The following CACNA1B variants were observed in gnomAD, a reference collection of about 807,000 sequenced individuals.
CACNA1B encodes voltage-dependent N-type calcium channel subunit alpha-1B.
In CACNA1B, 70 loss-of-function variants were observed where a neutral mutation model predicts 247.2. The ratio of observed to expected loss-of-function variants is 0.28; its 90% CI spans 0.23 to 0.35. CACNA1B has a LOEUF of 0.35. CACNA1B is among the 10% of genes least tolerant of loss of function. The pLI is 1.00. For missense variants in CACNA1B, 2,367 were observed against 3,197.4 expected (o/e 0.74, Z 6.26); for synonymous variants, 1,231 against 1,294.4 (o/e 0.95, Z 1.05).
At position 138,050,206 on chromosome 9, in the gene CACNA1B, C is replaced by T. The variant is rs894013230; in HGVS notation, c.3710+891C>T. On this transcript the variant is annotated intron_variant, in intron 24 of 46. Coordinates refer to ENST00000371372, the MANE Select transcript of CACNA1B (RefSeq NM_000718.4). This position sits in a 1 kb window ranked among gnomAD's most constrained non-coding sequence, Gnocchi z 5.2. The stretch of plus-strand genomic sequence containing the variant: ...ATCCACTTTCACCCCATCGGGGCTG[C>T]ATGCTGCCGGGAGCCAAGTCCCCGG... The T allele has an allele frequency of 3.3e-4, 247 of 747,732 alleles. No homozygotes were observed. The highest frequency in any genetic ancestry group is 4.5e-4 in the Non-Finnish European group (226 of 497,768). The allele number at this position is 747,732 out of a possible 1,614,324, so 46.3% of individuals were successfully genotyped here.
rs149905615 is a variant in CACNA1B at position 137,999,231 on chromosome 9, T to C, written c.1975-7536T>C. Among the ~76,000 whole-genome samples, 899 of 131,760 alleles carry C rather than the reference T, an allele frequency of 6.8e-3. 6 individuals are homozygous for C. Among genetic ancestry groups the C allele is most frequent in the African/African-American group, 0.029 (795 of 27,668 alleles). The allele number at this position is 131,760 out of a possible 152,430, so 86.4% of individuals were successfully genotyped here. A position where few individuals can be genotyped will look rare whatever the true frequency, so the allele number is the denominator to read the frequency against. ...TTGGGTGACAGAGTGAGACTCCAAC[T>C]AAAAAAAATAAAAAATAAAAAATGA... On this transcript the variant is annotated intron_variant, in intron 15 of 46. Transcript: ENST00000371372.
chr9:137,995,212 C>CAAAAAAAAAAAAAAAAAAA (rs34306133), intron 15 of CACNA1B, among the ~76,000 whole-genome samples: 1 of 115,746 alleles, frequency 8.6e-6, no homozygotes, highest in African/African-American at 3.2e-5. Context: ...GACTCCGTCT[C>CAAAAAAAAAAAAAAAAAAA]AAAAAAAAAA....
At chr9:138,112,792 T>C (rs748584225) in intron 40 of CACNA1B, among the ~76,000 whole-genome samples, 2 of 151,778 alleles carry the variant, frequency 1.3e-5, no homozygotes, top group Non-Finnish European at 2.9e-5. Flanking sequence ...TGTGAGGGAG[T>C]GCGGTGAGAT....
Position 138,059,003 on chromosome 9 carries a change from C to A in CACNA1B, c.4474-76C>A. On this transcript the variant is annotated intron_variant, in intron 29 of 46. Transcript: ENST00000371372. The surrounding 1 kb of genome is among the most constrained non-coding windows in gnomAD (Gnocchi z 4.2). ...CATCGAGTTCTGTCTGCCCGCTTTG[C>A]TTGGTCATAGTGGTCCCAGATGGGG... 1.1e-6 allele frequency: 1 copy of A among 890,418 alleles called. No homozygotes were observed. Among genetic ancestry groups the A allele is most frequent in the Non-Finnish European group, 1.8e-6 (1 of 541,686 alleles). The allele number at this position is 890,418 out of a possible 1,614,324, so 55.2% of individuals were successfully genotyped here.
intron 38 of CACNA1B, among the ~76,000 whole-genome samples, chr9:138,103,905 C>T (rs1178090312): frequency 6.6e-6 from 1 of 152,208 alleles, no homozygotes; most frequent in Non-Finnish European, 1.5e-5. Flanking sequence ...CAAGTGGCTC[C>T]TCCAAGCCAT....
Position 137,878,224 on chromosome 9 carries a change from TGCCGGGCGGGGCCGGGCGGG to T in CACNA1B, c.284+19_284+38del, listed in dbSNP as rs531869178. The stretch of plus-strand genomic sequence containing the variant: ...AGCGCATCACCGAGTGGCCATATCC[TGCCGGGCGGGGCCGGGCGGG>T]GCCGGGCGGGGACCGGGGTGGGGGC... On this transcript the variant is annotated splice_region_variant and intron_variant, in intron 1 of 46. Transcript: ENST00000371372. The T allele has an allele frequency of 4.9e-5, 27 of 554,962 alleles. No individual in the cohort carries two copies. Among genetic ancestry groups the T allele is most frequent in the South Asian group, 1.9e-4 (3 of 15,882 alleles). The allele number at this position is 554,962 out of a possible 1,614,324, so 34.4% of individuals were successfully genotyped here. A position where few individuals can be genotyped will look rare whatever the true frequency, so the allele number is the denominator to read the frequency against.
intron 10 of CACNA1B, among the ~76,000 whole-genome samples, chr9:137,969,465 T>G (rs1190767901): frequency 6.6e-6 from 1 of 152,202 alleles, no homozygotes; most frequent in Non-Finnish European, 1.5e-5. Flanking sequence ...CTATGAGGCC[T>G]TTCTCATAGC....
Position 138,057,764 on chromosome 9 carries a change from T to C in CACNA1B, c.4001T>C (p.Val1334Ala), listed in dbSNP as rs1055930656. Residue 1334 changes from valine (V) to alanine (A), a missense_variant, in exon 27 of 47, where the codon GTG (valine) becomes GCG (alanine). This residue lies in a region of CACNA1B where 436 missense variants were observed against 679.5 expected (regional missense o/e 0.64). Coordinates refer to ENST00000371372, the MANE Select transcript of CACNA1B (RefSeq NM_000718.4). This position sits in a 1 kb window ranked among gnomAD's most constrained non-coding sequence, Gnocchi z 4.0. ...GQYLDYEKEE[V>A]EAQPRQWKKY... ...TATTTGGATTATGAGAAGGAGGAAG[T>C]GGAAGCTCAGCCCAGGCAGTGGAAG... 1 of 1,612,794 alleles carries C rather than the reference T, an allele frequency of 6.2e-7. No homozygotes were observed. Among genetic ancestry groups the C allele is most frequent in the Non-Finnish European group, 8.5e-7 (1 of 1,179,222 alleles).
intron 15 of CACNA1B, among the ~76,000 whole-genome samples, chr9:137,996,120 A>G (rs1388426310): frequency 3.9e-5 from 6 of 152,256 alleles, no homozygotes; most frequent in African/African-American, 1.2e-4. Context: ...AACTAAAAGT[A>G]TATCTACCAC....
intron 3 of CACNA1B, among the ~76,000 whole-genome samples, chr9:137,901,909 T>C (rs1957244961): frequency 6.6e-6 from 1 of 152,062 alleles, no homozygotes; most frequent in Non-Finnish European, 1.5e-5. Flanking sequence ...CAGGCTGGCG[T>C]GGAACTCTTG....
At chr9:138,084,960 A>G (rs1960646906) in intron 36 of CACNA1B, among the ~76,000 whole-genome samples, 2 of 150,646 alleles carry the variant, frequency 1.3e-5, no homozygotes, top group South Asian at 4.2e-4. Context: ...TCAAAGAAAA[A>G]AAAAAAAAAG....
chr9:138,103,443 G>T (rs774116293), intron 38 of CACNA1B, among the ~76,000 whole-genome samples: 1 of 152,184 alleles, frequency 6.6e-6, no homozygotes. Flanking sequence ...GGGCCTCAGA[G>T]GGCTGCTGGA....
At chr9:138,097,920 G>A (rs1456891429) in intron 37 of CACNA1B, among the ~76,000 whole-genome samples, 5 of 152,176 alleles carry the variant, frequency 3.3e-5, no homozygotes, top group South Asian at 2.1e-4. Flanking sequence ...CAGCCTCCCC[G>A]GAGCACCCCC....
intron 6 of CACNA1B, among the ~76,000 whole-genome samples, chr9:137,944,788 A>AG (rs1307420545): frequency 2.0e-5 from 3 of 152,064 alleles, no homozygotes; most frequent in Non-Finnish European, 4.4e-5. Context: ...GCAGGGCTGG[A>AG]GGGGGAGATT....
At chr9:137,995,752 G>C (rs1671397740) in intron 15 of CACNA1B, among the ~76,000 whole-genome samples, 1 of 152,150 alleles carries the variant, frequency 6.6e-6, no homozygotes, top group Non-Finnish European at 1.5e-5. Flanking sequence ...CCACAAAGTG[G>C]GAGAAAATTT....
chr9:137,992,216 C>G (rs1958439433), intron 15 of CACNA1B, among the ~76,000 whole-genome samples: 1 of 152,126 alleles, frequency 6.6e-6, no homozygotes, highest in Non-Finnish European at 1.5e-5. Context: ...CACATAAGGA[C>G]TTACATAAAC....
intron 31 of CACNA1B, among the ~76,000 whole-genome samples, chr9:138,066,118 A>C (rs1959905314): frequency 6.6e-6 from 1 of 152,192 alleles, no homozygotes; most frequent in Admixed American, 6.5e-5. Flanking sequence ...TTGGATAAGG[A>C]AGAGATCCAG....
At chr9:137,923,007 A>G (rs111280309) in intron 6 of CACNA1B, among the ~76,000 whole-genome samples, 1,547 of 152,302 alleles carry the variant, frequency 0.01, 8 homozygotes, top group South Asian at 0.012. Flanking sequence ...AGTCATTTTG[A>G]GAATGTTACG....
intron 6 of CACNA1B, among the ~76,000 whole-genome samples, chr9:137,930,697 T>C (rs1020131723): frequency 3.3e-5 from 5 of 152,196 alleles, no homozygotes. Flanking sequence ...AGTCTCCAGC[T>C]TTAATTGCAG....
Sources: allele counts gnomAD v4.1 joint callset (sites outside exome capture counted in the v4.1 genomes callset), GRCh38; gene constraint gnomAD v4.1.1; regional missense constraint gnomAD v4.1.1; non-coding constraint Gnocchi (gnomAD v3.1); transcripts MANE v1.5; gene names NCBI Gene and HGNC (gene_info 2026-07-23, HGNC 2026-07-21).